Variants in ZFHX3 observed in about 807,000 individuals in gnomAD.
ZFHX3 encodes the protein zinc finger homeobox 3, also known as zinc finger homeobox protein 3.
ZFHX3 carries 42 observed loss-of-function variants against 279.1 expected under a neutral mutation model. The observed-to-expected ratio is 0.15, with a 90% CI of 0.12 to 0.19. The LOEUF is 0.19. Among genes scored for constraint, ZFHX3 ranks in the 10% least tolerant of loss-of-function variants. ZFHX3 has a pLI of 1.00. For missense variants in ZFHX3, 4,981 were observed against 4,754.0 expected, an observed-to-expected ratio of 1.05 and a Z score of -1.40; for synonymous variants, 2,293 against 1,957.8, an observed-to-expected ratio of 1.17 and a Z score of -4.52.
intron 4 of ZFHX3, among the ~76,000 whole-genome samples, chr16:73,290,815 T>C (rs1448035317): frequency 6.6e-6 from 1 of 152,188 alleles, no homozygotes; most frequent in African/African-American, 2.4e-5. Flanking sequence ...GCTTGGGGGC[T>C]TAGCTGTGTT....
intron 3 of ZFHX3, among the ~76,000 whole-genome samples, chr16:73,382,485 G>A (rs2016832750): frequency 6.6e-6 from 1 of 152,136 alleles, no homozygotes; most frequent in Non-Finnish European, 1.5e-5. Context: ...GGAGCCCTTG[G>A]AGGTTTCCAG....
chr16:73,199,795 G>A (rs151036982), intron 5 of ZFHX3, among the ~76,000 whole-genome samples: 3 of 152,270 alleles, frequency 2.0e-5, no homozygotes, highest in African/African-American at 4.8e-5. Context: ...GAGGGTGAAC[G>A]AGGCCAACTC....
chr16:73,670,159 G>T (rs1161596449), intron 2 of ZFHX3, among the ~76,000 whole-genome samples: 1 of 152,220 alleles, frequency 6.6e-6, no homozygotes, highest in Non-Finnish European at 1.5e-5. Flanking sequence ...GTTTTCCTGA[G>T]AAGTATCTCA....
At chr16:73,644,564 G>C (rs2052601283) in intron 2 of ZFHX3, among the ~76,000 whole-genome samples, 3 of 152,278 alleles carry the variant, frequency 2.0e-5, no homozygotes, top group African/African-American at 4.8e-5. Context: ...CAGAGGCTGA[G>C]GTAGGAAAAT....
intron 1 of ZFHX3, among the ~76,000 whole-genome samples, chr16:73,830,688 T>G (rs996921547): frequency 6.6e-6 from 1 of 152,226 alleles, no homozygotes; most frequent in African/African-American, 2.4e-5. Context: ...ATCAACAAAT[T>G]GCACTTGGAT....
chr16:73,838,789 T>TGTGC (rs1491525528), intron 1 of ZFHX3, among the ~76,000 whole-genome samples: 1 of 144,238 alleles, frequency 6.9e-6, no homozygotes, highest in African/African-American at 2.6e-5. Context: ...TGTGTGTGTG[T>TGTGC]GCGTGCGCGC....
intron 3 of ZFHX3, among the ~76,000 whole-genome samples, chr16:73,355,685 A>C (rs2016328011): frequency 6.6e-6 from 1 of 152,236 alleles, no homozygotes; most frequent in African/African-American, 2.4e-5. Context: ...GGAGTCAGGC[A>C]GAATTGAATT....
At chr16:72,806,381 A>C (rs929746920) in intron 7 of ZFHX3, among the ~76,000 whole-genome samples, 1 of 152,192 alleles carries the variant, frequency 6.6e-6, no homozygotes, top group Admixed American at 6.5e-5. Flanking sequence ...AGAGGTGAGA[A>C]CTGAGAAGGA....
intron 3 of ZFHX3, among the ~76,000 whole-genome samples, chr16:73,326,001 A>G (rs1374861563): frequency 6.6e-6 from 1 of 151,892 alleles, no homozygotes; most frequent in East Asian, 1.9e-4. Flanking sequence ...TGAGAGCCTC[A>G]TGTGATTACA....
chr16:73,197,677 A>T (rs1968178790), intron 5 of ZFHX3, among the ~76,000 whole-genome samples: 1 of 152,310 alleles, frequency 6.6e-6, no homozygotes, highest in African/African-American at 2.4e-5. Context: ...GTTACATACT[A>T]TAGGCAGACA....
intron 2 of ZFHX3, among the ~76,000 whole-genome samples, chr16:73,610,306 A>T (rs1437379169): frequency 6.6e-6 from 1 of 152,166 alleles, no homozygotes; most frequent in African/African-American, 2.4e-5. Context: ...ATCACTCACA[A>T]AAGGAGATGG....
intron 2 of ZFHX3, among the ~76,000 whole-genome samples, chr16:73,592,051 G>A (rs1011711782): frequency 6.7e-6 from 1 of 148,268 alleles, no homozygotes; most frequent in Non-Finnish European, 1.5e-5. Flanking sequence ...GGCCAACATG[G>A]TGAAACCCTG....
intron 5 of ZFHX3, among the ~76,000 whole-genome samples, chr16:73,213,263 A>G (rs535810867): frequency 6.6e-5 from 10 of 152,304 alleles, no homozygotes; most frequent in Non-Finnish European, 1.0e-4. Context: ...ATTGTGTGCA[A>G]TGACTTGAGA....
At chr16:73,091,039 G>A (rs563596648) in intron 8 of ZFHX3, among the ~76,000 whole-genome samples, 58 of 151,456 alleles carry the variant, frequency 3.8e-4, no homozygotes, top group Non-Finnish European at 6.8e-4. Context: ...GTAAAACCCC[G>A]TCTCTACTAA....
At chr16:73,224,623 A>G (rs1442786751) in intron 5 of ZFHX3, among the ~76,000 whole-genome samples, 1 of 152,198 alleles carries the variant, frequency 6.6e-6, no homozygotes, top group East Asian at 1.9e-4. Context: ...TTATAGGAAA[A>G]AGGACTCTAT....
rs377543744 is a variant in ZFHX3, at chr16:73,672,027, A to G, written c.-1547+8153T>C. On this transcript the variant is annotated intron_variant, in intron 2 of 17. Coordinates refer to the ZFHX3 transcript ENST00000641206. Reference sequence around the variant, plus strand: ...AGAAAATTGACACTACCCAAGAATGAGGGACAGATCTGAGGGGAAAAAAAA... The same window carrying G: ...AGAAAATTGACACTACCCAAGAATGGGGGACAGATCTGAGGGGAAAAAAAA... Among the ~76,000 whole-genome samples, 32 of 150,950 alleles carry G rather than the reference A, an allele frequency of 2.1e-4. No homozygotes were observed. The South Asian group carries it at 5.2e-3, about 25-fold the overall frequency.
intron 2 of ZFHX3, among the ~76,000 whole-genome samples, chr16:73,583,356 G>T (rs752718145): frequency 1.3e-4 from 20 of 152,202 alleles, no homozygotes; most frequent in Non-Finnish European, 2.6e-4. Context: ...GAAAAAACAG[G>T]TTGAAAACCA....
chr16:73,033,669 G>A (rs1163086254), intron 1 of ZFHX3, among the ~76,000 whole-genome samples: 1 of 152,030 alleles, frequency 6.6e-6, no homozygotes, highest in Non-Finnish European at 1.5e-5. Flanking sequence ...TTTTTTTCCT[G>A]CCTGCCAGGA....
At chr16:73,201,291 AAC>A (rs1372535272) in intron 5 of ZFHX3, among the ~76,000 whole-genome samples, 2 of 152,218 alleles carry the variant, frequency 1.3e-5, no homozygotes, top group African/African-American at 4.8e-5. Context: ...AAATGAGGCA[AAC>A]ACAGAGGAAA....
Sources: gnomAD v4.1 joint callset for allele counts (sites outside exome capture counted in the v4.1 genomes callset) on GRCh38, gnomAD v4.1.1 for gene constraint, MANE v1.5 for transcripts, NCBI Gene and HGNC (gene_info 2026-07-23, HGNC 2026-07-21) for gene names.